Variants in APBB2 observed in about 807,000 individuals in gnomAD.
The protein encoded by APBB2 is Fe65-like 1.
A neutral mutation model predicts 82.5 loss-of-function variants in APBB2; 38 were observed. The observed-to-expected ratio is 0.46, with a 90% confidence interval of 0.36 to 0.60. APBB2 has a LOEUF of 0.60. Ranked by LOEUF, APBB2 falls within the 20% of genes least tolerant of loss-of-function variation. APBB2 has a pLI of 0.00. For synonymous variants in APBB2, 341 were observed against 368.2 expected, an observed-to-expected ratio of 0.93 and a Z score of 0.85; for missense variants, 772 against 972.3, an observed-to-expected ratio of 0.79 and a Z score of 2.74.
At position 40,916,733 on chromosome 4, in the gene APBB2, C is replaced by A. The variant is rs528046198; in HGVS notation, c.1254+17723G>T. Among the ~76,000 whole-genome samples the A allele has an allele frequency of 3.9e-4, 60 of 152,216 alleles. 1 individual carries two copies. The highest frequency in any genetic ancestry group is 2.9e-3 in the Admixed American group (45 of 15,286). On this transcript the variant is annotated intron_variant, in intron 10 of 17. Coordinates refer to ENST00000508593, the MANE Select transcript of APBB2 (RefSeq NM_004307.2). Reference sequence around the variant, plus strand: ...CTGAGAGCGAGCATGACTGACCGACCCTGGTGATCACACAAAAACAAGGAG... The same window carrying A: ...CTGAGAGCGAGCATGACTGACCGACACTGGTGATCACACAAAAACAAGGAG...
intron 2 of APBB2, among the ~76,000 whole-genome samples, chr4:41,124,582 G>T (rs535130951): frequency 6.6e-6 from 1 of 152,286 alleles, no homozygotes; most frequent in Non-Finnish European, 1.5e-5. Flanking sequence ...TGGCAAGCTG[G>T]ATTTGGCCTC....
chr4:40,971,397 T>A lies in APBB2; in HGVS notation c.836-26324A>T, dbSNP rs544767689. ...AGTACTGACAAGTGCAAAAACTAAA[T>A]TCTCTACTTATTCATTCGAATAAAG... On this transcript the variant is annotated intron_variant, in intron 6 of 17. Transcript: ENST00000508593. Among the ~76,000 whole-genome samples, 8 of 152,314 alleles carry A rather than the reference T, an allele frequency of 5.3e-5. No homozygotes were observed. In the South Asian group the frequency reaches 1.7e-3, roughly 32 times the overall value.
In APBB2 at chr4:41,013,662, G is replaced by A. The variant is rs762344502; in HGVS notation, c.756C>T (p.Asn252=). Residue 252 remains asparagine (N), a synonymous_variant, in exon 6 of 18, where the codon AAC becomes AAT. Coordinates refer to ENST00000508593, the MANE Select transcript of APBB2 (RefSeq NM_004307.2). ...TGGACTCCTCATCGCTCGGTGCCAGGTTCTGGATCCGGTGCAGTGCACAGT... is the reference window on the plus strand; with the variant it reads ...TGGACTCCTCATCGCTCGGTGCCAGATTCTGGATCCGGTGCAGTGCACAGT... The part of the protein sequence containing the change: ...KTDCALHRIQ[N]LAPSDEESSW... The A allele has an allele frequency of 6.2e-6, 10 of 1,614,236 alleles. No individual in the cohort carries two copies. In the Admixed American group the frequency reaches 1.0e-4, roughly 16 times the overall value.
chr4:41,194,555 C>T, intron 1 of APBB2, among the ~76,000 whole-genome samples: 4 of 152,084 alleles, frequency 2.6e-5, no homozygotes, highest in African/African-American at 7.2e-5. Context: ...TGGTGGCAGG[C>T]GCCTGTAGTC....
chr4:40,903,171 TA>T (rs1379196845), intron 10 of APBB2, among the ~76,000 whole-genome samples: 2 of 151,608 alleles, frequency 1.3e-5, no homozygotes, highest in Non-Finnish European at 2.9e-5. Context: ...TAATAAAATT[TA>T]AAAATGGGCC....
At chr4:40,935,317 A>T (rs1785128253) in intron 7 of APBB2, 178 bp from the exon 8 acceptor site, 2 of 564,420 alleles carry the variant, frequency 3.5e-6, no homozygotes, top group African/African-American at 3.8e-5. Flanking sequence ...CTAGATTATC[A>T]CCTGAAGACG....
At chr4:40,919,806 C>T (rs540644342) in intron 10 of APBB2, among the ~76,000 whole-genome samples, 16 of 152,310 alleles carry the variant, frequency 1.1e-4, no homozygotes, top group Admixed American at 2.0e-4. Flanking sequence ...GTTTCATCTT[C>T]GCAGCAACAC....
intron 6 of APBB2, among the ~76,000 whole-genome samples, chr4:41,002,196 T>C (rs2154421168): frequency 6.6e-6 from 1 of 152,362 alleles, no homozygotes; most frequent in African/African-American, 2.4e-5. Context: ...GCATATTAAC[T>C]GAGTCAGACT....
At chr4:40,890,262 T>C in intron 12 of APBB2, 102 bp downstream of exon 12, 1 of 1,439,006 alleles carries the variant, frequency 6.9e-7, no homozygotes, top group Non-Finnish European at 9.3e-7. Flanking sequence ...AGAAGCTACA[T>C]GAGTTTCGTA....
chr4:40,964,509 T>A (rs1432312273), intron 6 of APBB2, among the ~76,000 whole-genome samples: 1 of 152,062 alleles, frequency 6.6e-6, no homozygotes, highest in Non-Finnish European at 1.5e-5. Flanking sequence ...CCCAGCAATA[T>A]CGAGAGTGTA....
At chr4:41,166,943 C>A (rs1766824411) in intron 1 of APBB2, among the ~76,000 whole-genome samples, 1 of 152,176 alleles carries the variant, frequency 6.6e-6, no homozygotes. Flanking sequence ...CTGGACTCTG[C>A]AAGTGGTGGG....
At chr4:40,842,945 G>T (rs1396850030) in intron 12 of APBB2, among the ~76,000 whole-genome samples, 1 of 152,142 alleles carries the variant, frequency 6.6e-6, no homozygotes, top group East Asian at 1.9e-4. Flanking sequence ...ATGGGGGAGA[G>T]ATCAGAGACG....
At chr4:41,200,623 T>A (rs7665179) in intron 1 of APBB2, among the ~76,000 whole-genome samples, 29,710 of 152,150 alleles carry the variant, frequency 0.2, 3,893 homozygotes, top group African/African-American at 0.37. Flanking sequence ...AATAACTGAT[T>A]TTTTTTTCCT....
intron 12 of APBB2, among the ~76,000 whole-genome samples, chr4:40,871,392 G>A (rs776806000): frequency 1.3e-4 from 20 of 152,150 alleles, no homozygotes; most frequent in Admixed American, 2.6e-4. Flanking sequence ...TGATCCGCCC[G>A]CCTTGGCCTC....
chr4:40,966,450 G>C (rs1178790353), intron 6 of APBB2, among the ~76,000 whole-genome samples: 4 of 152,194 alleles, frequency 2.6e-5, no homozygotes, highest in African/African-American at 9.7e-5. Flanking sequence ...CACCTTCCAA[G>C]TTGGAGGGAG....
intron 1 of APBB2, among the ~76,000 whole-genome samples, chr4:41,192,348 T>C (rs114926795): frequency 1.5e-3 from 222 of 152,316 alleles, no homozygotes; most frequent in African/African-American, 5.1e-3. Context: ...GCCATGTTCA[T>C]TGTAGGATTA....
At chr4:41,192,342 T>G (rs536064876) in intron 1 of APBB2, among the ~76,000 whole-genome samples, 1 of 152,214 alleles carries the variant, frequency 6.6e-6, no homozygotes, top group East Asian at 1.9e-4. Context: ...TGCAGTGCCA[T>G]GTTCATTGTA....
intron 12 of APBB2, among the ~76,000 whole-genome samples, chr4:40,874,690 C>T (rs1345330702): frequency 6.6e-6 from 1 of 152,196 alleles, no homozygotes; most frequent in Non-Finnish European, 1.5e-5. Flanking sequence ...ATGTCTTCTG[C>T]TCATCTAGTG....
At chr4:40,918,672 TTTCC>T (rs959705028) in intron 10 of APBB2, among the ~76,000 whole-genome samples, 23 of 151,958 alleles carry the variant, frequency 1.5e-4, no homozygotes, top group African/African-American at 4.1e-4. Flanking sequence ...TTTCTTTCTT[TTTCC>T]TTCCTTCCTT....
Sources: allele counts gnomAD v4.1 joint callset (sites outside exome capture counted in the v4.1 genomes callset), GRCh38; gene constraint gnomAD v4.1.1; transcripts MANE v1.5; gene names NCBI Gene and HGNC (gene_info 2026-07-23, HGNC 2026-07-21).